PTPRM: variants seen among roughly 807,000 people sequenced by gnomAD.
PTPRM encodes the protein receptor-type tyrosine-protein phosphatase mu.
In PTPRM, 47 loss-of-function variants were observed where a neutral mutation model predicts 186.7. The observed-to-expected ratio is 0.25, with a 90% confidence interval of 0.20 to 0.32. PTPRM has a LOEUF of 0.32. Among genes scored for constraint, PTPRM ranks in the 10% least tolerant of loss-of-function variants. The pLI is 1.00. For missense variants in PTPRM, 1,494 were observed against 1,865.0 expected (o/e 0.80, Z 3.66); for synonymous variants, 668 against 674.9 (o/e 0.99, Z 0.16).
At chr18:7,705,271 ATATCTATTTATCTATCTATC>A (rs1458636302) in intron 1 of PTPRM, among the ~76,000 whole-genome samples, 1 of 145,520 alleles carries the variant, frequency 6.9e-6, no homozygotes, top group South Asian at 2.2e-4. Context: ...ATATTTGAAA[ATATCTATTTATCTATCTATC>A]TATCTATCTA....
intron 7 of PTPRM, among the ~76,000 whole-genome samples, chr18:8,047,753 A>C (rs2087166198): frequency 6.6e-6 from 1 of 151,904 alleles, no homozygotes; most frequent in Non-Finnish European, 1.5e-5. Context: ...TACGTGGATG[A>C]ATTGGCCAGG....
chr18:8,220,567 C>T (rs2094142666), intron 14 of PTPRM, among the ~76,000 whole-genome samples: 1 of 152,210 alleles, frequency 6.6e-6, no homozygotes, highest in African/African-American at 2.4e-5. Context: ...CAAGATAAAA[C>T]ACAGTGTGTG....
rs902524371 is a variant in PTPRM, at chr18:7,610,372, AT to A, written c.73+42492del. 6.0e-3 allele frequency among the ~76,000 whole-genome samples: 887 copies of A among 149,028 alleles called. 5 individuals are homozygous for A. The highest frequency in any genetic ancestry group is 0.02 in the African/African-American group (800 of 40,798). ...ATCATTTATGAAAGTCCGTTTTAGA[AT>A]TTTTTTTTTTCTAGTATTAAGTCAG... On this transcript the variant is annotated intron_variant, in intron 1 of 32. Coordinates refer to ENST00000580170, the MANE Select transcript of PTPRM (RefSeq NM_001105244.2).
chr18:8,106,602 G>A (rs757716001), intron 11 of PTPRM, among the ~76,000 whole-genome samples: 4 of 152,156 alleles, frequency 2.6e-5, no homozygotes, highest in East Asian at 1.9e-4. Context: ...TTTCAAGGAC[G>A]GGGCAGTCTG....
chr18:7,571,151 A>G (rs1364143482), intron 1 of PTPRM, among the ~76,000 whole-genome samples: 2 of 152,134 alleles, frequency 1.3e-5, no homozygotes, highest in African/African-American at 2.4e-5. Flanking sequence ...CATGTTGGCC[A>G]GGATGGTCTC....
In PTPRM at chr18:7,842,930, G is replaced by GTGTGTATA. The variant is rs377182615; in HGVS notation, c.197-45175_197-45174insGTGTATAT. Among the ~76,000 whole-genome samples, 87 of 100,924 alleles carry GTGTGTATA rather than the reference G, an allele frequency of 8.6e-4. 1 individual carries two copies. Among genetic ancestry groups the GTGTGTATA allele is most frequent in the African/African-American group, 3.7e-3 (74 of 20,204 alleles). 66.2% of individuals were successfully genotyped at this position (100,924 alleles called of 152,430 possible). On this transcript the variant is annotated intron_variant, in intron 2 of 32. Transcript: ENST00000580170. ...CTCATATGTGTGTGTGTGTGTGTGT[G>GTGTGTATA]TATATATATATATATATAGAGAGAG...
chr18:8,316,164 TTCCCTTGAGAGGCTCCAGGGG>T lies in PTPRM; in HGVS notation c.2919+1308_2919+1328del, dbSNP rs1337085398. Among the ~76,000 whole-genome samples, 4 of 152,280 alleles carry T rather than the reference TTCCCTTGAGAGGCTCCAGGGG, an allele frequency of 2.6e-5. No individual in the cohort carries two copies. The East Asian group carries it at 7.7e-4, about 29-fold the overall frequency. On this transcript the variant is annotated intron_variant, in intron 21 of 32. Transcript: ENST00000580170. ...ACCTCCAGGCCAACTGTAGCACACC[TTCCCTTGAGAGGCTCCAGGGG>T]ACACCGTTCACACTCCAGTCCCAGC...
chr18:8,328,882 T>G (rs1210066429), intron 22 of PTPRM, among the ~76,000 whole-genome samples: 5 of 152,244 alleles, frequency 3.3e-5, no homozygotes, highest in African/African-American at 1.2e-4. Flanking sequence ...AAATGGTCAC[T>G]TTCATAGACA....
At chr18:8,303,124 G>A (rs1193757027) in intron 20 of PTPRM, among the ~76,000 whole-genome samples, 1 of 152,072 alleles carries the variant, frequency 6.6e-6, no homozygotes, top group Non-Finnish European at 1.5e-5. Flanking sequence ...AGCTAAAGGG[G>A]CTTTAATAAT....
At chr18:8,381,514 G>A (rs2095736042) in intron 29 of PTPRM, among the ~76,000 whole-genome samples, 1 of 152,152 alleles carries the variant, frequency 6.6e-6, no homozygotes, top group African/African-American at 2.4e-5. Flanking sequence ...AATTATGTCT[G>A]AGGCACTGCA....
intron 2 of PTPRM, among the ~76,000 whole-genome samples, chr18:7,782,661 G>T (rs2042913773): frequency 6.6e-6 from 1 of 152,072 alleles, no homozygotes; most frequent in Non-Finnish European, 1.5e-5. Flanking sequence ...GCCACTCTAG[G>T]TAGCTTATGT....
At chr18:8,083,747 G>A (rs979973573) in intron 9 of PTPRM, among the ~76,000 whole-genome samples, 1 of 152,150 alleles carries the variant, frequency 6.6e-6, no homozygotes, top group Non-Finnish European at 1.5e-5. Flanking sequence ...AATCTGAATA[G>A]GTAGAAAACA....
At chr18:7,780,806 A>T (rs1440455697) in intron 2 of PTPRM, among the ~76,000 whole-genome samples, 2 of 152,140 alleles carry the variant, frequency 1.3e-5, no homozygotes, top group African/African-American at 4.8e-5. Context: ...GCAGACAGGG[A>T]CAGCTTTTCT....
chr18:7,647,490 G>T (rs761722521), intron 1 of PTPRM, among the ~76,000 whole-genome samples: 1 of 152,190 alleles, frequency 6.6e-6, no homozygotes. Flanking sequence ...TATTTCATGG[G>T]CAGTGAGAGG....
chr18:7,782,155 G>T (rs2042887089), intron 2 of PTPRM, among the ~76,000 whole-genome samples: 1 of 152,156 alleles, frequency 6.6e-6, no homozygotes, highest in Non-Finnish European at 1.5e-5. Flanking sequence ...GTGACCTGTG[G>T]GGAGCACTTA....
chr18:8,225,026 TA>T (rs1005525510), intron 14 of PTPRM, among the ~76,000 whole-genome samples: 17 of 152,272 alleles, frequency 1.1e-4, no homozygotes, highest in African/African-American at 4.1e-4. Context: ...GCCCTTCACT[TA>T]ATGGTTTTTT....
intron 2 of PTPRM, among the ~76,000 whole-genome samples, chr18:7,776,324 T>C (rs2042577376): frequency 6.6e-6 from 1 of 152,136 alleles, no homozygotes; most frequent in South Asian, 2.1e-4. Flanking sequence ...AACTCATTGT[T>C]TGGACCTGAG....
At chr18:8,031,338 G>C (rs1184387306) in intron 7 of PTPRM, among the ~76,000 whole-genome samples, 2 of 152,142 alleles carry the variant, frequency 1.3e-5, no homozygotes, top group African/African-American at 4.8e-5. Flanking sequence ...TTGGCTAGTG[G>C]GTGGAAAATC....
At chr18:7,761,973 C>T (rs79265060) in intron 1 of PTPRM, among the ~76,000 whole-genome samples, 1,794 of 152,254 alleles carry the variant, frequency 0.012, 32 homozygotes, top group African/African-American at 0.041. Context: ...GAGCAGTAAA[C>T]AGTTTTTATT....
Sources: allele counts gnomAD v4.1 joint callset (sites outside exome capture counted in the v4.1 genomes callset), GRCh38; gene constraint gnomAD v4.1.1; transcripts MANE v1.5; gene names NCBI Gene and HGNC (gene_info 2026-07-23, HGNC 2026-07-21).